Variants in NELL1 observed in about 807,000 individuals in gnomAD.
The protein encoded by NELL1 is protein kinase C-binding protein NELL1.
NELL1 carries 76 observed loss-of-function variants against 107.4 expected under a neutral mutation model. The ratio of observed to expected loss-of-function variants is 0.71; its 90% CI spans 0.59 to 0.86. The LOEUF (loss-of-function observed/expected upper bound fraction) is 0.86. Among genes scored for constraint, NELL1 ranks in the 40% least tolerant of loss-of-function variants. The pLI is 0.00. For missense variants in NELL1, 1,024 were observed against 1,005.5 expected (o/e 1.02, Z -0.25); for synonymous variants, 353 against 341.2 (o/e 1.03, Z -0.38).
intron 16 of NELL1, among the ~76,000 whole-genome samples, chr11:21,543,085 A>G (rs1292906413): frequency 6.6e-6 from 1 of 151,994 alleles, no homozygotes; most frequent in East Asian, 1.9e-4. Context: ...AAAGTTTAAG[A>G]GACAAGGCAG....
chr11:20,836,094 C>A (rs556708251), intron 3 of NELL1, among the ~76,000 whole-genome samples: 3 of 152,016 alleles, frequency 2.0e-5, no homozygotes, highest in East Asian at 3.9e-4. Flanking sequence ...GTAAACTCAA[C>A]AATAAGTAAA....
At chr11:21,363,349 T>TA (rs1306011008) in intron 14 of NELL1, among the ~76,000 whole-genome samples, 3 of 152,220 alleles carry the variant, frequency 2.0e-5, no homozygotes, top group Non-Finnish European at 4.4e-5. Context: ...CTAGGTAAGG[T>TA]AAAATCCTTC....
At chr11:21,067,705 C>A (rs1325897479) in intron 12 of NELL1, among the ~76,000 whole-genome samples, 6 of 152,046 alleles carry the variant, frequency 3.9e-5, no homozygotes, top group Non-Finnish European at 8.8e-5. Flanking sequence ...ATAGTATAAT[C>A]TATATTCTTT....
chr11:21,498,330 A>G (rs1038453621), intron 15 of NELL1, among the ~76,000 whole-genome samples: 2 of 95,704 alleles, frequency 2.1e-5, no homozygotes, highest in Non-Finnish European at 4.9e-5. Flanking sequence ...ATCCATAAAC[A>G]TATTATATAT....
intron 2 of NELL1, among the ~76,000 whole-genome samples, chr11:20,717,751 A>T (rs767174767): frequency 2.6e-5 from 4 of 152,132 alleles, no homozygotes; most frequent in Non-Finnish European, 4.4e-5. Flanking sequence ...TCTTTTCATA[A>T]ATTGAAATTA....
chr11:21,419,158 C>T (rs1852595543), intron 15 of NELL1, among the ~76,000 whole-genome samples: 1 of 152,032 alleles, frequency 6.6e-6, no homozygotes. Context: ...CGACCTTTGA[C>T]CAAGTCTCTT....
chr11:21,573,712 TA>T (rs1857157123), intron 19 of NELL1, among the ~76,000 whole-genome samples: 1 of 132,060 alleles, frequency 7.6e-6, no homozygotes, highest in African/African-American at 2.9e-5. Context: ...GCATATTAAA[TA>T]AAAAGAAAAG....
At position 20,944,703 on chromosome 11, in the gene NELL1, A is replaced by T. The variant is rs547720075; in HGVS notation, c.1072-2633A>T. 4.6e-5 allele frequency among the ~76,000 whole-genome samples: 7 copies of T among 152,324 alleles called. No homozygotes were observed. The East Asian group carries it at 1.4e-3, about 29-fold the overall frequency. On this transcript the variant is annotated intron_variant, in intron 10 of 19. Coordinates refer to ENST00000357134, the MANE Select transcript of NELL1 (RefSeq NM_006157.5). ...ATAAAGCTATAAAAGGTTTGTGCCT[A>T]ATTATGTAGCTGGATTAAATGGATT...
At chr11:20,814,457 C>G (rs1046482788) in intron 3 of NELL1, among the ~76,000 whole-genome samples, 1 of 152,176 alleles carries the variant, frequency 6.6e-6, no homozygotes, top group African/African-American at 2.4e-5. Flanking sequence ...ACCCTCCCAC[C>G]GCTCTAAATA....
At chr11:21,084,216 C>A (rs1437670516) in intron 12 of NELL1, among the ~76,000 whole-genome samples, 1 of 152,156 alleles carries the variant, frequency 6.6e-6, no homozygotes, top group Non-Finnish European at 1.5e-5. Context: ...TTCTCCTGAA[C>A]ACTGAGGTCC....
intron 14 of NELL1, among the ~76,000 whole-genome samples, chr11:21,237,963 C>T (rs1330865788): frequency 1.3e-5 from 2 of 152,062 alleles, no homozygotes; most frequent in African/African-American, 4.8e-5. Flanking sequence ...TTTATATCTT[C>T]AGTCCCAACC....
chr11:20,986,533 T>C (rs1369975819), intron 12 of NELL1, among the ~76,000 whole-genome samples: 2 of 152,174 alleles, frequency 1.3e-5, no homozygotes, highest in South Asian at 2.1e-4. Flanking sequence ...CAAATTTCCA[T>C]GTGCATCAAA....
At chr11:20,919,715 A>G (rs1199897711) in intron 7 of NELL1, among the ~76,000 whole-genome samples, 3 of 152,142 alleles carry the variant, frequency 2.0e-5, no homozygotes, top group African/African-American at 7.2e-5. Context: ...ATTGCCAGTA[A>G]TCGGAAGGGG....
chr11:21,100,813 A>C (rs1854786891), intron 12 of NELL1, among the ~76,000 whole-genome samples: 1 of 152,088 alleles, frequency 6.6e-6, no homozygotes. Flanking sequence ...CAGTATAGCA[A>C]AGTACAATGT....
chr11:20,870,011 GA>G (rs58156964), intron 4 of NELL1, among the ~76,000 whole-genome samples: 1 of 152,192 alleles, frequency 6.6e-6, no homozygotes, highest in African/African-American at 2.4e-5. Flanking sequence ...GAAAGATGTG[GA>G]AAATCAGTAA....
intron 5 of NELL1, among the ~76,000 whole-genome samples, chr11:20,893,712 T>C (rs1026177984): frequency 4.0e-5 from 6 of 151,628 alleles, no homozygotes; most frequent in African/African-American, 1.4e-4. Flanking sequence ...ATTTCACAAT[T>C]GTTATTATCA....
At chr11:20,994,251 C>T (rs1172677766) in intron 12 of NELL1, among the ~76,000 whole-genome samples, 1 of 152,170 alleles carries the variant, frequency 6.6e-6, no homozygotes, top group African/African-American at 2.4e-5. Context: ...GGTACAAACT[C>T]AGCAGGCCAG....
At chr11:21,065,208 G>A (rs980805690) in intron 12 of NELL1, among the ~76,000 whole-genome samples, 1 of 152,020 alleles carries the variant, frequency 6.6e-6, no homozygotes, top group Non-Finnish European at 1.5e-5. Context: ...CAGTTAGAAA[G>A]CTGTGTTGTC....
intron 12 of NELL1, among the ~76,000 whole-genome samples, chr11:21,086,781 A>G (rs950041723): frequency 7.2e-5 from 11 of 152,108 alleles, no homozygotes; most frequent in African/African-American, 2.7e-4. Context: ...CCTTGAATAG[A>G]AGAGAAAAAG....
Sources: allele counts gnomAD v4.1 joint callset (sites outside exome capture counted in the v4.1 genomes callset), GRCh38; gene constraint gnomAD v4.1.1; transcripts MANE v1.5; gene names NCBI Gene and HGNC (gene_info 2026-07-23, HGNC 2026-07-21).